The following DISC1 variants were observed in gnomAD, a reference collection of about 807,000 sequenced individuals.
DISC1 encodes DISC1 scaffold protein.
Under a neutral mutation model 84.5 loss-of-function variants are expected in DISC1, and 57 were observed. That is an observed-to-expected ratio of 0.67 (90% CI 0.55 to 0.84). The LOEUF (loss-of-function observed/expected upper bound fraction) is 0.84, where lower values mean the gene tolerates loss of function less well. DISC1 is among the 40% of genes least tolerant of loss of function. DISC1 has a pLI of 0.00. For missense variants in DISC1, 1,000 were observed against 1,057.8 expected, an observed-to-expected ratio of 0.95 and a Z score of 0.76; for synonymous variants, 411 against 415.2, an observed-to-expected ratio of 0.99 and a Z score of 0.12.
At chr1:231,916,098 C>A (rs558958864) in intron 9 of DISC1, among the ~76,000 whole-genome samples, 161 of 152,242 alleles carry the variant, frequency 1.1e-3, no homozygotes, top group African/African-American at 3.7e-3. Context: ...TCACTAACTT[C>A]CTTTAAGAAA....
intron 1 of DISC1, among the ~76,000 whole-genome samples, chr1:231,660,013 G>T (rs1352171957): frequency 6.6e-6 from 1 of 152,124 alleles, no homozygotes; most frequent in Non-Finnish European, 1.5e-5. Context: ...CTGAGTTCAG[G>T]TCCTTACTAT....
chr1:231,661,664 T>C (rs1293475987), intron 1 of DISC1, among the ~76,000 whole-genome samples: 1 of 152,232 alleles, frequency 6.6e-6, no homozygotes, highest in Non-Finnish European at 1.5e-5. Context: ...TCATGATTCT[T>C]AGCTTCTTTG....
intron 10 of DISC1, among the ~76,000 whole-genome samples, chr1:231,995,612 T>C (rs1208333667): frequency 6.6e-6 from 1 of 152,150 alleles, no homozygotes; most frequent in African/African-American, 2.4e-5. Context: ...GTCCTTGCAA[T>C]AGTTTACTGA....
intron 4 of DISC1, among the ~76,000 whole-genome samples, chr1:231,760,282 T>C (rs1206981808): frequency 6.6e-6 from 1 of 152,246 alleles, no homozygotes; most frequent in African/African-American, 2.4e-5. Context: ...GCATCGTTTA[T>C]TGAATGAGCA....
At chr1:231,820,720 C>T (rs572516751) in intron 9 of DISC1, among the ~76,000 whole-genome samples, 2 of 152,328 alleles carry the variant, frequency 1.3e-5, no homozygotes, top group South Asian at 2.1e-4. Context: ...GAAGAGAGCT[C>T]ATCTATCCCC....
intron 3 of DISC1, among the ~76,000 whole-genome samples, chr1:231,711,023 C>CT (rs939402097): frequency 3.9e-4 from 58 of 146,898 alleles, no homozygotes; most frequent in Admixed American, 1.0e-3. Flanking sequence ...TTGATTGAAA[C>CT]TTTTTTTTTT....
chr1:231,699,760 C>T (rs2066173035), intron 2 of DISC1, among the ~76,000 whole-genome samples: 1 of 152,168 alleles, frequency 6.6e-6, no homozygotes, highest in Non-Finnish European at 1.5e-5. Context: ...CCAGTGGCGC[C>T]CCATGAACTT....
At chr1:231,999,997 A>G (rs963196338) in intron 10 of DISC1, among the ~76,000 whole-genome samples, 4 of 152,234 alleles carry the variant, frequency 2.6e-5, no homozygotes, top group Admixed American at 6.5e-5. Flanking sequence ...CCCTCATAAA[A>G]TAAAAAAATT....
At chr1:231,668,775 A>G (rs955968251) in intron 1 of DISC1, among the ~76,000 whole-genome samples, 12 of 152,148 alleles carry the variant, frequency 7.9e-5, no homozygotes, top group African/African-American at 2.7e-4. Context: ...ATTGACAAGC[A>G]CCATGAAGTG....
chr1:231,900,199 C>T (rs1481984396), intron 9 of DISC1, among the ~76,000 whole-genome samples: 5 of 152,174 alleles, frequency 3.3e-5, no homozygotes, highest in Non-Finnish European at 4.4e-5. Flanking sequence ...AACAGGAGAT[C>T]GCTATTATCA....
intron 3 of DISC1, among the ~76,000 whole-genome samples, chr1:231,711,914 A>G (rs758679177): frequency 2.0e-5 from 3 of 152,194 alleles, no homozygotes; most frequent in Non-Finnish European, 4.4e-5. Flanking sequence ...GAACCTGTAA[A>G]TGTTACCATA....
At chr1:231,631,894 T>C (rs932928587) in intron 1 of DISC1, among the ~76,000 whole-genome samples, 2 of 152,164 alleles carry the variant, frequency 1.3e-5, no homozygotes, top group Non-Finnish European at 2.9e-5. Context: ...TCCTCAACCC[T>C]CACGTGCACT....
intron 1 of DISC1, among the ~76,000 whole-genome samples, chr1:231,632,120 C>T (rs1331276666): frequency 2.0e-5 from 3 of 152,176 alleles, no homozygotes; most frequent in Non-Finnish European, 4.4e-5. Flanking sequence ...AGGTTTGTAG[C>T]CTAGGAACAG....
Position 231,723,286 on chromosome 1 carries a change from A to C in DISC1, c.1117+21262A>C, listed in dbSNP as rs142267283. On this transcript the variant is annotated intron_variant, in intron 3 of 12. Coordinates refer to ENST00000439617, the MANE Select transcript of DISC1 (RefSeq NM_018662.3). ...CCTATGAGTAGACTCACATGTTAAA[A>C]CCCGTGTTGTTCAAGGGTCAACCAT... 9 of 985,820 alleles carry C rather than the reference A, an allele frequency of 9.1e-6. No homozygotes were observed. In the African/African-American group the frequency reaches 1.4e-4, roughly 15 times the overall value. The allele number at this position is 985,820 out of a possible 1,614,324, so 61.1% of individuals were successfully genotyped here. A position where few individuals can be genotyped will look rare whatever the true frequency, so the allele number is the denominator to read the frequency against.
chr1:231,678,706 T>C (rs2063396761), intron 1 of DISC1, among the ~76,000 whole-genome samples: 1 of 152,172 alleles, frequency 6.6e-6, no homozygotes, highest in South Asian at 2.1e-4. Context: ...CTCACTCTGT[T>C]GCCCAGGCTG....
chr1:231,832,285 C>T (rs61835445), intron 9 of DISC1, among the ~76,000 whole-genome samples: 70,274 of 143,584 alleles, frequency 0.49, 15,028 homozygotes, highest in Non-Finnish European at 0.53. Flanking sequence ...AAAGCAGCGG[C>T]AGCCGCTGCA....
At chr1:231,947,304 C>G (rs913922406) in intron 9 of DISC1, among the ~76,000 whole-genome samples, 1 of 152,014 alleles carries the variant, frequency 6.6e-6, no homozygotes, top group African/African-American at 2.4e-5. Flanking sequence ...ATAACACCAC[C>G]CATCTACAAC....
At chr1:231,947,323 C>T (rs903150933) in intron 9 of DISC1, among the ~76,000 whole-genome samples, 4 of 152,194 alleles carry the variant, frequency 2.6e-5, no homozygotes, top group Admixed American at 6.5e-5. Flanking sequence ...ACCATCTGAT[C>T]TTTGACAAAC....
At chr1:231,632,804 C>T (rs1014855811) in intron 1 of DISC1, among the ~76,000 whole-genome samples, 1 of 152,276 alleles carries the variant, frequency 6.6e-6, no homozygotes, top group African/African-American at 2.4e-5. Flanking sequence ...GGCGCAGTGG[C>T]TCATGCCTGT....
Sources: allele counts gnomAD v4.1 joint callset (sites outside exome capture counted in the v4.1 genomes callset), GRCh38; gene constraint gnomAD v4.1.1; transcripts MANE v1.5; gene names NCBI Gene and HGNC (gene_info 2026-07-23, HGNC 2026-07-21).